The following NELL1 variants were observed in gnomAD, a reference collection of about 807,000 sequenced individuals.
NELL1 encodes neural EGFL like 1, also known as protein kinase C-binding protein NELL1.
Under a neutral mutation model 107.4 loss-of-function variants are expected in NELL1, and 76 were observed. That is an observed-to-expected ratio of 0.71 (90% CI 0.59 to 0.86). NELL1 has a LOEUF of 0.86. NELL1 is among the 40% of genes least tolerant of loss of function. The pLI is 0.00. For missense variants in NELL1, 1,024 were observed against 1,005.5 expected (o/e 1.02, Z -0.25); for synonymous variants, 353 against 341.2 (o/e 1.03, Z -0.38).
intron 2 of NELL1, among the ~76,000 whole-genome samples, chr11:20,685,879 T>A (rs909789082): frequency 1.3e-5 from 2 of 152,112 alleles, no homozygotes; most frequent in South Asian, 4.1e-4. Flanking sequence ...TCCTCACTAC[T>A]ATGATATAAA....
intron 12 of NELL1, among the ~76,000 whole-genome samples, chr11:20,961,545 T>G (rs781298807): frequency 4.6e-5 from 7 of 152,178 alleles, no homozygotes; most frequent in Non-Finnish European, 8.8e-5. Flanking sequence ...CTCAGATAGG[T>G]CAGGTATTCT....
intron 16 of NELL1, among the ~76,000 whole-genome samples, chr11:21,538,573 A>C (rs1856204805): frequency 1.3e-5 from 2 of 152,110 alleles, no homozygotes; most frequent in African/African-American, 4.8e-5. Flanking sequence ...AGTACACAAA[A>C]ATTTGTAAAT....
intron 12 of NELL1, among the ~76,000 whole-genome samples, chr11:21,047,813 C>T (rs925278659): frequency 6.6e-6 from 1 of 152,122 alleles, no homozygotes; most frequent in African/African-American, 2.4e-5. Flanking sequence ...GTTTCGTGAA[C>T]CAGCTAACAT....
In NELL1 at chr11:21,091,387, TC is replaced by T. The variant is rs141159845; in HGVS notation, c.1301-22201del. Among the ~76,000 whole-genome samples, 1,260 of 152,314 alleles carry T rather than the reference TC, an allele frequency of 8.3e-3. 39 individuals are homozygous for T. In the South Asian group the frequency reaches 0.098, roughly 12 times the overall value. On this transcript the variant is annotated intron_variant, in intron 12 of 19. Coordinates refer to ENST00000357134, the MANE Select transcript of NELL1 (RefSeq NM_006157.5). ...CGGGGACTCAGCGAATAAAGTTATT[TC>T]TAAGCCAACAGCGAATGCATGGAAA...
At chr11:21,285,159 A>C (rs941372456) in intron 14 of NELL1, among the ~76,000 whole-genome samples, 4 of 152,166 alleles carry the variant, frequency 2.6e-5, no homozygotes, top group African/African-American at 9.7e-5. Context: ...ATGCCATAAA[A>C]ATTTTTTGTT....
At chr11:21,331,146 T>C (rs1223140071) in intron 14 of NELL1, among the ~76,000 whole-genome samples, 1 of 152,150 alleles carries the variant, frequency 6.6e-6, no homozygotes, top group Non-Finnish European at 1.5e-5. Flanking sequence ...TTTTCTTTAG[T>C]ACTTTGAACA....
intron 2 of NELL1, among the ~76,000 whole-genome samples, chr11:20,685,545 C>T (rs1218509268): frequency 1.3e-5 from 2 of 152,058 alleles, no homozygotes; most frequent in Non-Finnish European, 2.9e-5. Context: ...GCTACTTAAG[C>T]TCTCCATCTC....
Position 21,181,667 on chromosome 11 carries a change from TG to T in NELL1, c.1427-47662del, listed in dbSNP as rs1418545014. Among the ~76,000 whole-genome samples the T allele has an allele frequency of 6.6e-5, 10 of 152,088 alleles. 1 individual carries two copies. In the South Asian group the frequency reaches 2.1e-3, roughly 32 times the overall value. On this transcript the variant is annotated intron_variant, in intron 13 of 19. Transcript: ENST00000357134. The stretch of plus-strand genomic sequence containing the variant: ...GTTTGAATTTTTATGATATTAGAGA[TG>T]GGAAATGTTCACACTTAATTTTGTT...
intron 13 of NELL1, among the ~76,000 whole-genome samples, chr11:21,126,808 C>T (rs983879258): frequency 6.6e-6 from 1 of 152,158 alleles, no homozygotes; most frequent in Non-Finnish European, 1.5e-5. Flanking sequence ...GAATCAGATG[C>T]TTTAGGCTCA....
At chr11:20,670,487 G>C (rs948697019) in intron 1 of NELL1, 5 of 1,270 alleles carry the variant, frequency 3.9e-3, no homozygotes, top group Admixed American at 0.038. Flanking sequence ...GTGTGGGGAG[G>C]GGGGAGCAAG....
At chr11:21,483,271 C>A (rs571594049) in intron 15 of NELL1, among the ~76,000 whole-genome samples, 2 of 152,170 alleles carry the variant, frequency 1.3e-5, no homozygotes, top group African/African-American at 4.8e-5. Context: ...ACCTAGAGAC[C>A]GAATCACTTT....
chr11:20,709,798 A>AT (rs1255592593), intron 2 of NELL1, among the ~76,000 whole-genome samples: 1 of 151,620 alleles, frequency 6.6e-6, no homozygotes, highest in Non-Finnish European at 1.5e-5. Flanking sequence ...TATTATTCTT[A>AT]TTTTTTGCAG....
intron 12 of NELL1, among the ~76,000 whole-genome samples, chr11:21,058,106 CTCATAATATATAACTGATAG>C (rs1323241463): frequency 6.6e-6 from 1 of 151,962 alleles, no homozygotes; most frequent in East Asian, 1.9e-4. Flanking sequence ...GGGCAGAGCT[CTCATAATATATAACTGATAG>C]ACTGATGGAT....
intron 2 of NELL1, among the ~76,000 whole-genome samples, chr11:20,739,463 A>G (rs1300615178): frequency 6.6e-6 from 1 of 152,192 alleles, no homozygotes; most frequent in Non-Finnish European, 1.5e-5. Context: ...TGCTCTTTAA[A>G]TGTTCCCAGC....
intron 15 of NELL1, among the ~76,000 whole-genome samples, chr11:21,448,882 C>A (rs1274217654): frequency 6.6e-6 from 1 of 152,150 alleles, no homozygotes; most frequent in African/African-American, 2.4e-5. Context: ...TGTTTTGCTT[C>A]TATCGATAGC....
At chr11:21,391,290 G>A (rs74970980) in intron 15 of NELL1, among the ~76,000 whole-genome samples, 22 of 151,732 alleles carry the variant, frequency 1.4e-4, no homozygotes, top group Admixed American at 7.2e-4. Flanking sequence ...AACTGTGGCC[G>A]TTTTTTCATC....
chr11:21,276,899 A>G (rs1359982597), intron 14 of NELL1, among the ~76,000 whole-genome samples: 1 of 152,200 alleles, frequency 6.6e-6, no homozygotes, highest in East Asian at 1.9e-4. Flanking sequence ...AAATTAATTC[A>G]AGATGGATTA....
At position 20,928,925 on chromosome 11, in the gene NELL1, G is replaced by A. The variant is rs766413386; in HGVS notation, c.997+446G>A. Among the ~76,000 whole-genome samples the A allele has an allele frequency of 4.6e-5, 7 of 152,124 alleles. No homozygotes were observed. The South Asian group carries it at 6.2e-4, about 14-fold the overall frequency. On this transcript the variant is annotated intron_variant, in intron 9 of 19. Transcript: ENST00000357134. ...CCTCTTATTAAGAGGCCTTTGTTAG[G>A]AACTTCCGGATGAAATTCAGTTAAA...
chr11:21,067,757 G>C (rs1853911222), intron 12 of NELL1, among the ~76,000 whole-genome samples: 1 of 151,918 alleles, frequency 6.6e-6, no homozygotes, highest in Admixed American at 6.6e-5. Context: ...TCTAGGCCGG[G>C]CATGGTGGCT....
Sources: allele counts gnomAD v4.1 joint callset (sites outside exome capture counted in the v4.1 genomes callset), GRCh38; gene constraint gnomAD v4.1.1; transcripts MANE v1.5; gene names NCBI Gene and HGNC (gene_info 2026-07-23, HGNC 2026-07-21).